The following NEGR1 variants were observed in gnomAD, a reference collection of about 807,000 sequenced individuals.
The protein encoded by NEGR1 is IgLON family member 4.
In NEGR1, 10 loss-of-function variants were observed where a neutral mutation model predicts 40.9. The observed-to-expected ratio is 0.24, with a 90% CI of 0.15 to 0.42. The LOEUF is 0.42. NEGR1 is among the 10% of genes least tolerant of loss of function. NEGR1 has a pLI of 1.00. For missense variants in NEGR1, 352 were observed against 438.9 expected, an observed-to-expected ratio of 0.80 and a Z score of 1.77; for synonymous variants, 185 against 166.8, an observed-to-expected ratio of 1.11 and a Z score of -0.84.
chr1:71,495,323 C>G (rs912894377), intron 6 of NEGR1, among the ~76,000 whole-genome samples: 1 of 151,664 alleles, frequency 6.6e-6, no homozygotes, highest in African/African-American at 2.4e-5. Context: ...TACTGAAATA[C>G]AGAATTAGCC....
At chr1:72,183,263 C>T (rs1042973390) in intron 1 of NEGR1, among the ~76,000 whole-genome samples, 1 of 152,052 alleles carries the variant, frequency 6.6e-6, no homozygotes, top group Non-Finnish European at 1.5e-5. Flanking sequence ...TTGCCAAGGC[C>T]GGACTTTCCC....
intron 2 of NEGR1, among the ~76,000 whole-genome samples, chr1:71,845,836 T>C (rs990203607): frequency 3.3e-5 from 5 of 151,928 alleles, no homozygotes; most frequent in Non-Finnish European, 5.9e-5. Flanking sequence ...CACAGCTCAC[T>C]GCAGCCTCAA....
chr1:71,836,975 T>A (rs1659055955), intron 2 of NEGR1: 1 of 151,994 alleles, frequency 6.6e-6, no homozygotes, highest in Non-Finnish European at 1.5e-5. Context: ...GAACAGAAGT[T>A]GTACCTCAAT....
intron 5 of NEGR1, among the ~76,000 whole-genome samples, chr1:71,606,588 C>T (rs1650082758): frequency 6.6e-6 from 1 of 152,170 alleles, no homozygotes; most frequent in Admixed American, 6.5e-5. Context: ...GAGGTTATCA[C>T]ATCTAAAATG....
chr1:71,767,040 A>G (rs1280108996), intron 3 of NEGR1, among the ~76,000 whole-genome samples: 1 of 152,204 alleles, frequency 6.6e-6, no homozygotes, highest in Non-Finnish European at 1.5e-5. Context: ...TTTGTAAATT[A>G]TGCAGTCTCG....
At chr1:71,804,704 T>C (rs1460564502) in intron 2 of NEGR1, among the ~76,000 whole-genome samples, 2 of 152,222 alleles carry the variant, frequency 1.3e-5, no homozygotes, top group Non-Finnish European at 2.9e-5. Context: ...CCATCATCTT[T>C]GTAAACTGAG....
intron 5 of NEGR1, among the ~76,000 whole-genome samples, 184 bp downstream of exon 5, chr1:71,610,842 C>T (rs1202510641): frequency 1.3e-5 from 2 of 152,106 alleles, no homozygotes; most frequent in South Asian, 4.1e-4. Flanking sequence ...CCAAAGTGGA[C>T]ATTTCTTCTG....
At chr1:71,675,810 T>A (rs1160176001) in intron 4 of NEGR1, among the ~76,000 whole-genome samples, 6 of 3,822 alleles carry the variant, frequency 1.6e-3, no homozygotes, top group Non-Finnish European at 0.015. Flanking sequence ...TTTGTTTTTT[T>A]TTTCCTTAAG....
intron 2 of NEGR1, among the ~76,000 whole-genome samples, chr1:71,784,901 T>C (rs1213102513): frequency 6.6e-6 from 1 of 152,256 alleles, no homozygotes; most frequent in Non-Finnish European, 1.5e-5. Context: ...TTAACATTTT[T>C]GGTTGCAGGC....
At chr1:71,961,724 C>T (rs1424094284) in intron 1 of NEGR1, among the ~76,000 whole-genome samples, 1 of 152,038 alleles carries the variant, frequency 6.6e-6, no homozygotes, top group African/African-American at 2.4e-5. Context: ...CTCAATCTTT[C>T]ATCTTATACC....
chr1:71,548,887 C>G (rs1052669484), intron 6 of NEGR1, among the ~76,000 whole-genome samples: 9 of 151,562 alleles, frequency 5.9e-5, no homozygotes, highest in African/African-American at 2.2e-4. Context: ...ATAACATGAG[C>G]CCCTTTGGTA....
At chr1:71,490,253 T>C (rs1244879406) in intron 6 of NEGR1, among the ~76,000 whole-genome samples, 2 of 151,988 alleles carry the variant, frequency 1.3e-5, no homozygotes, top group Non-Finnish European at 2.9e-5. Context: ...ATATATTTGT[T>C]TCAATTTTGA....
rs1646256218 is a variant in NEGR1, at chr1:71,403,031, T to A, written c.*4415A>T. 6.6e-6 allele frequency: 1 copy of A among 152,132 alleles called. No individual in the cohort carries two copies. The highest frequency in any genetic ancestry group is 2.1e-4 in the South Asian group (1 of 4,830). The allele number at this position is 152,132 out of a possible 1,614,324, so 9.4% of individuals were successfully genotyped here. On this transcript the variant is annotated 3_prime_UTR_variant, in exon 7 of 7. Coordinates refer to ENST00000357731, the MANE Select transcript of NEGR1 (RefSeq NM_173808.3). ...TATAGATTTCTCAGAATAGCAATGA[T>A]ACTTATATTTCAAAATAGCTTATAA...
intron 6 of NEGR1, among the ~76,000 whole-genome samples, chr1:71,591,628 C>A (rs1346007850): frequency 6.6e-6 from 1 of 152,010 alleles, no homozygotes; most frequent in Non-Finnish European, 1.5e-5. Flanking sequence ...CTAAATAAAT[C>A]ATCCTCATGG....
At position 72,259,000 on chromosome 1, in the gene NEGR1, C is replaced by T. The variant is rs142995765; in HGVS notation, c.176+23319G>A. ...ATGGAAGGTCTTTAAAAAGGCACCT[C>T]AATATAAAATATGGTTTTCTGCTGA... On this transcript the variant is annotated intron_variant, in intron 1 of 6. Transcript: ENST00000357731. 5.1e-3 allele frequency among the ~76,000 whole-genome samples: 777 copies of T among 152,196 alleles called. 5 individuals carry two copies. Among genetic ancestry groups the T allele is most frequent in the African/African-American group, 0.018 (742 of 41,558 alleles).
rs547701704 is a variant in NEGR1 at position 71,553,248 on chromosome 1, C to A, written c.940+39569G>T. On this transcript the variant is annotated intron_variant, in intron 6 of 6. Transcript: ENST00000357731. ...TAGCCTCTTTTTGAATGACCAGTCT[C>A]ATCTCTAAGTTTTTCTGTCTTTAAA... Among the ~76,000 whole-genome samples the A allele has an allele frequency of 1.2e-4, 18 of 151,652 alleles. 1 individual carries two copies. The highest frequency in any genetic ancestry group is 7.9e-4 in the Admixed American group (12 of 15,192).
Position 72,108,393 on chromosome 1 carries a change from A to G in NEGR1, c.177-173082T>C, listed in dbSNP as rs1649217516. On this transcript the variant is annotated intron_variant, in intron 1 of 6. Coordinates refer to ENST00000357731, the MANE Select transcript of NEGR1 (RefSeq NM_173808.3). Reference sequence around the variant, plus strand: ...GCCTCAGGGTCACTAGAGTACTTTCAGAATCATACCATTACACTGGCAAAT... The same window carrying G: ...GCCTCAGGGTCACTAGAGTACTTTCGGAATCATACCATTACACTGGCAAAT... 2.0e-5 allele frequency among the ~76,000 whole-genome samples: 3 copies of G among 151,626 alleles called. No homozygotes were observed. The Admixed American group carries it at 2.0e-4, about 10-fold the overall frequency.
chr1:71,686,693 T>C (rs1653051807), intron 4 of NEGR1, among the ~76,000 whole-genome samples: 1 of 152,138 alleles, frequency 6.6e-6, no homozygotes, highest in African/African-American at 2.4e-5. Flanking sequence ...TTCGATAAAT[T>C]ACCTTTACCC....
At chr1:72,123,710 C>G (rs1283997522) in intron 1 of NEGR1, among the ~76,000 whole-genome samples, 1 of 151,760 alleles carries the variant, frequency 6.6e-6, no homozygotes, top group Non-Finnish European at 1.5e-5. Context: ...TAAGTATGAA[C>G]AAATCATTAT....
Sources: allele counts gnomAD v4.1 joint callset (sites outside exome capture counted in the v4.1 genomes callset), GRCh38; gene constraint gnomAD v4.1.1; transcripts MANE v1.5; gene names NCBI Gene and HGNC (gene_info 2026-07-23, HGNC 2026-07-21).